ZNF665: variants seen among roughly 807,000 people sequenced by gnomAD.
ZNF665 encodes the protein zinc finger protein 665.
Under a neutral mutation model 7.9 loss-of-function variants are expected in ZNF665, and 6 were observed. The observed-to-expected ratio is 0.76, with a 90% CI of 0.42 to 1.50. The LOEUF is 1.50. Among genes scored for constraint, ZNF665 ranks in the 40% most tolerant of loss-of-function variants. The pLI is 0.01. For synonymous variants in ZNF665, 242 were observed against 274.5 expected, an observed-to-expected ratio of 0.88 and a Z score of 1.17; for missense variants, 819 against 806.7, an observed-to-expected ratio of 1.02 and a Z score of -0.18.
chr19:53,185,157 A>T (rs955225960), intron 1 of ZNF665, among the ~76,000 whole-genome samples: 1 of 151,666 alleles, frequency 6.6e-6, no homozygotes, highest in Non-Finnish European at 1.5e-5. Flanking sequence ...CAAGAGGTGG[A>T]GGAGCAGAGT....
intron 3 of ZNF665, 90 bp from the exon 4 acceptor site, chr19:53,166,437 T>A: frequency 8.5e-7 from 1 of 1,178,888 alleles, no homozygotes. Context: ...ACACCAAAAG[T>A]AATAGTTATG....
At chr19:53,180,005 A>T (rs1390551982) in intron 2 of ZNF665, 2 of 152,232 alleles carry the variant, frequency 1.3e-5, no homozygotes, top group Non-Finnish European at 2.9e-5. Context: ...CCAAAAGTAA[A>T]TTAACATGAG....
Position 53,172,473 on chromosome 19 carries a change from T to C in ZNF665, c.142+2972A>G, listed in dbSNP as rs889353163. Among the ~76,000 whole-genome samples the C allele has an allele frequency of 2.6e-5, 4 of 152,312 alleles. No individual in the cohort carries two copies. In the South Asian group the frequency reaches 8.3e-4, roughly 32 times the overall value. On this transcript the variant is annotated intron_variant, in intron 3 of 3. Transcript: ENST00000396424. Reference sequence around the variant, plus strand: ...AGTAGCCATTCTGACAACTACGTGATATTTTATGCTGCTTTAAATTTTTAT... The same window carrying C: ...AGTAGCCATTCTGACAACTACGTGACATTTTATGCTGCTTTAAATTTTTAT...
chr19:53,179,128 C>G (rs372837321), intron 2 of ZNF665, among the ~76,000 whole-genome samples: 4 of 152,086 alleles, frequency 2.6e-5, no homozygotes, highest in African/African-American at 9.6e-5. Flanking sequence ...AATCCCAGCA[C>G]TTTGGGAGGC....
chr19:53,164,637 C>A lies in ZNF665; in HGVS notation c.1853G>T (p.Arg618Ile). The A allele has an allele frequency of 6.2e-7, 1 of 1,612,756 alleles. No individual in the cohort carries two copies. The highest frequency in any genetic ancestry group is 8.5e-7 in the Non-Finnish European group (1 of 1,178,916). ...ATAAGGTTTTTCTCCAGTGTGAATTCTTCTATGATTTGCAAGATGTGAATT... is the reference window on the plus strand; with the variant it reads ...ATAAGGTTTTTCTCCAGTGTGAATTATTCTATGATTTGCAAGATGTGAATT... The part of the protein sequence containing the change: ...TQNSHLANHR[R>I]IHTGEKPYRC... Residue 618 changes from arginine to isoleucine, a missense_variant, in exon 4 of 4, where the codon AGA becomes ATA. Arg to Ile is a moderately conservative substitution (Grantham distance 97). Transcript: ENST00000396424.
At chr19:53,185,267 C>T (rs937329733) in intron 1 of ZNF665, among the ~76,000 whole-genome samples, 1 of 151,908 alleles carries the variant, frequency 6.6e-6, no homozygotes, top group South Asian at 2.1e-4. Flanking sequence ...GACCACGGTC[C>T]GCTTGGCAAC....
chr19:53,181,265 A>G (rs2090735727), intron 2 of ZNF665: 1 of 152,072 alleles, frequency 6.6e-6, no homozygotes, highest in African/African-American at 2.4e-5. Flanking sequence ...TACAAAAAAT[A>G]TAAAAATTAG....
intron 3 of ZNF665, among the ~76,000 whole-genome samples, chr19:53,168,304 T>C (rs1015919639): frequency 1.3e-5 from 2 of 152,148 alleles, no homozygotes; most frequent in Non-Finnish European, 2.9e-5. Context: ...TTTATTTCTA[T>C]ATACTAGCAA....
chr19:53,180,434 A>G (rs2090729981), intron 2 of ZNF665, among the ~76,000 whole-genome samples: 1 of 148,988 alleles, frequency 6.7e-6, no homozygotes, highest in Non-Finnish European at 1.5e-5. Context: ...CTCCATCTCA[A>G]AAAAAAAAAA....
chr19:53,163,671 T>TC lies in ZNF665; in HGVS notation c.*781dup, dbSNP rs1205364883. On this transcript the variant is annotated 3_prime_UTR_variant, in exon 4 of 4. Transcript: ENST00000396424. ...GCCTTTTCAATAAATCTTAAATACTTCAACAAAACATTTTATAAGCTGAAA... is the reference window on the plus strand; with the variant it reads ...GCCTTTTCAATAAATCTTAAATACTTCCAACAAAACATTTTATAAGCTGAAA... 1 of 152,186 alleles carries TC rather than the reference T, an allele frequency of 6.6e-6. No individual in the cohort carries two copies. Among genetic ancestry groups the TC allele is most frequent in the Non-Finnish European group, 1.5e-5 (1 of 68,030 alleles). The allele number at this position is 152,186 out of a possible 1,614,324, so 9.4% of individuals were successfully genotyped here. A position where few individuals can be genotyped will look rare whatever the true frequency, so the allele number is the denominator to read the frequency against.
rs866466787 is a variant in ZNF665 at position 53,165,061 on chromosome 19, G to T, written c.1429C>A (p.Arg477=). ...GGTTTCTCTCCAGAATGAATTCCCCGATGACTTGCAAGGTGTGAATTTTGT... is the reference window on the plus strand; with the variant it reads ...GGTTTCTCTCCAGAATGAATTCCCCTATGACTTGCAAGGTGTGAATTTTGT... ...FTQNSHLASH[R]GIHSGEKPYK... is the part of the protein sequence containing the mutation. The change falls in exon 4 of 4, where the codon CGG becomes AGG. Residue 477 remains arginine, a synonymous_variant. Transcript: ENST00000396424. 6.2e-7 allele frequency: 1 copy of T among 1,613,944 alleles called. No homozygotes were observed. The highest frequency in any genetic ancestry group is 8.5e-7 in the Non-Finnish European group (1 of 1,179,996).
intron 1 of ZNF665, 52 bp from the exon 2 acceptor site, chr19:53,182,995 C>G (rs200862803): frequency 1.3e-6 from 2 of 1,553,676 alleles, no homozygotes; most frequent in Non-Finnish European, 1.8e-6. Flanking sequence ...GTCAAAAATA[C>G]GCTGTTTGTT....
intron 2 of ZNF665, chr19:53,180,559 T>C (rs552881274): frequency 6.6e-6 from 1 of 152,334 alleles, no homozygotes; most frequent in East Asian, 1.9e-4. Flanking sequence ...CATGGGTGTA[T>C]GCATCTACAT....
chr19:53,180,336 G>C (rs747383443), intron 2 of ZNF665, among the ~76,000 whole-genome samples: 1 of 152,010 alleles, frequency 6.6e-6, no homozygotes, highest in Non-Finnish European at 1.5e-5. Context: ...GGGAGGCTGA[G>C]GCAGGAGAAT....
At position 53,182,968 on chromosome 19, in the gene ZNF665, A is replaced by ACCTT. The variant is rs763149562; in HGVS notation, c.-45-26_-45-25insAAGG. ...CCTTGGGTAACATGAAAGAGACTTTAGAATTCAATCCTGAATGTCAAAAAT... is the reference window on the plus strand; with the variant it reads ...CCTTGGGTAACATGAAAGAGACTTTACCTTGAATTCAATCCTGAATGTCAAAAAT... On this transcript the variant is annotated intron_variant, in intron 1 of 3. Coordinates refer to ENST00000396424, the MANE Select transcript of ZNF665 (RefSeq NM_024733.5). The ACCTT allele has an allele frequency of 1.8e-5, 28 of 1,589,532 alleles. No homozygotes were observed. In the Admixed American group the frequency reaches 2.7e-4, roughly 15 times the overall value.
chr19:53,181,637 T>C (rs554971976), intron 2 of ZNF665: 1 of 152,272 alleles, frequency 6.6e-6, no homozygotes, highest in African/African-American at 2.4e-5. Context: ...CTTTAGCAGC[T>C]CTCATTAGAC....
Position 53,175,438 on chromosome 19 carries a change from T to A in ZNF665, c.142+7A>T, listed in dbSNP as rs757507068. ...GACCCTGACTTCTAAAAGAAAGTCA[T>A]CCTCACCCAGGGAGACCAGGTTCCT... is the stretch of plus-strand genomic sequence containing the variant. On this transcript the variant is annotated splice_region_variant and intron_variant, in intron 3 of 3. Coordinates refer to ENST00000396424, the MANE Select transcript of ZNF665 (RefSeq NM_024733.5). 1.2e-5 allele frequency: 20 copies of A among 1,603,352 alleles called. No homozygotes were observed. Among genetic ancestry groups the A allele is most frequent in the Non-Finnish European group, 1.7e-5 (20 of 1,176,858 alleles).
In ZNF665 at chr19:53,192,643, C is replaced by G. The variant is rs373610581; in HGVS notation, c.-46+669G>C. On this transcript the variant is annotated intron_variant, in intron 1 of 3. Coordinates refer to ENST00000396424, the MANE Select transcript of ZNF665 (RefSeq NM_024733.5). The stretch of plus-strand genomic sequence containing the variant: ...TTTCTACTTTTCTCTCAGCCCCCCT[C>G]TCTGTCTCCTGATCCCCTTGGCCCA... Among the ~76,000 whole-genome samples the G allele has an allele frequency of 9.7e-4, 148 of 152,336 alleles. No individual in the cohort carries two copies. In the South Asian group the frequency reaches 0.012, roughly 12 times the overall value.
At position 53,165,072 on chromosome 19, in the gene ZNF665, A is replaced by G. The variant is rs878943566; in HGVS notation, c.1418T>C (p.Leu473Pro). The change falls in exon 4 of 4, where the codon CTT becomes CCT. Residue 473 changes from leucine (L) to proline (P), a missense_variant. By Grantham distance (98) the Leu-to-Pro change is moderately conservative. Coordinates refer to ENST00000396424, the MANE Select transcript of ZNF665 (RefSeq NM_024733.5). ...AGAATGAATTCCCCGATGACTTGCA[A>G]GGTGTGAATTTTGTGTGAAGACCTT... ...CGKVFTQNSH[L>P]ASHRGIHSGE... is the part of the protein sequence containing the mutation. The G allele has an allele frequency of 8.1e-6, 13 of 1,613,974 alleles. No individual in the cohort carries two copies. The highest frequency in any genetic ancestry group is 1.1e-5 in the Non-Finnish European group (13 of 1,180,036).
Sources: allele counts gnomAD v4.1 joint callset (sites outside exome capture counted in the v4.1 genomes callset), GRCh38; gene constraint gnomAD v4.1.1; transcripts MANE v1.5; gene names NCBI Gene and HGNC (gene_info 2026-07-23, HGNC 2026-07-21).